The following CNGA3 variants were observed in gnomAD, a reference collection of about 807,000 sequenced individuals.
CNGA3 encodes the protein cyclic nucleotide-gated channel alpha-3.
A neutral mutation model predicts 46.6 loss-of-function variants in CNGA3; 42 were observed. The observed-to-expected ratio is 0.90, with a 90% CI of 0.70 to 1.17. The LOEUF (loss-of-function observed/expected upper bound fraction) is 1.17, where lower values mean the gene tolerates loss of function less well. Among genes scored for constraint, CNGA3 ranks in the 50% most tolerant of loss-of-function variants. The pLI is 0.00. For synonymous variants in CNGA3, 394 were observed against 369.4 expected (o/e 1.07, Z -0.76); for missense variants, 893 against 890.7 (o/e 1.00, Z -0.03).
At chr2:98,383,688 A>G (rs1349356480) in intron 5 of CNGA3, among the ~76,000 whole-genome samples, 1 of 152,214 alleles carries the variant, frequency 6.6e-6, no homozygotes, top group Non-Finnish European at 1.5e-5. Context: ...TCTCATCCAT[A>G]AAGCAAAGGA....
chr2:98,362,398 A>C (rs62156302), intron 1 of CNGA3, among the ~76,000 whole-genome samples: 29,075 of 150,782 alleles, frequency 0.19, 3,182 homozygotes, highest in Non-Finnish European at 0.26. Context: ...CCAGGCTGGT[A>C]TCGAACTCCT....
chr2:98,383,324 T>G, intron 4 of CNGA3, 64 bp from the exon 5 acceptor site: 2 of 1,495,598 alleles, frequency 1.3e-6, no homozygotes, highest in Non-Finnish European at 1.9e-6. Context: ...AATCCCCTGG[T>G]GAAATGGCCC....
chr2:98,353,127 C>T (rs1299724420), intron 1 of CNGA3, among the ~76,000 whole-genome samples: 14 of 152,028 alleles, frequency 9.2e-5, no homozygotes, highest in Non-Finnish European at 2.1e-4. Flanking sequence ...TGGGGTTTTT[C>T]CATTTGTCAC....
chr2:98,386,430 A>G (rs1401746771), intron 5 of CNGA3, among the ~76,000 whole-genome samples: 2 of 152,112 alleles, frequency 1.3e-5, no homozygotes, highest in Admixed American at 6.5e-5. Flanking sequence ...GTCTCACGAG[A>G]TCTGATGGTT....
At position 98,398,227 on chromosome 2, in the gene CNGA3, AGGCAAAGCTTTT is replaced by A. The variant is rs958109617; in HGVS notation, c.*976_*987del. On this transcript the variant is annotated 3_prime_UTR_variant, in exon 8 of 8. Coordinates refer to ENST00000272602, the MANE Select transcript of CNGA3 (RefSeq NM_001298.3). ...CAAGATCCCTTGGAATTGCATCCCAAGGCAAAGCTTTTGGCTCACCGAAAGCTCACAGATTGC... is the reference window on the plus strand; with the variant it reads ...CAAGATCCCTTGGAATTGCATCCCAAGGCTCACCGAAAGCTCACAGATTGC... 1.3e-5 allele frequency: 2 copies of A among 152,228 alleles called. No individual in the cohort carries two copies. The highest frequency in any genetic ancestry group is 4.8e-5 in the African/African-American group (2 of 41,468). 9.4% of individuals were successfully genotyped at this position (152,228 alleles called of 1,614,324 possible).
chr2:98,361,952 C>A (rs566757382), intron 1 of CNGA3, among the ~76,000 whole-genome samples: 1 of 152,100 alleles, frequency 6.6e-6, no homozygotes, highest in Non-Finnish European at 1.5e-5. Context: ...CGTGATCCAC[C>A]TGCCTCGGCC....
At chr2:98,370,415 T>G (rs1005715698) in intron 2 of CNGA3, among the ~76,000 whole-genome samples, 1 of 152,206 alleles carries the variant, frequency 6.6e-6, no homozygotes, top group Non-Finnish European at 1.5e-5. Context: ...TCATCAAAAA[T>G]GTGTTGGACT....
In CNGA3 at chr2:98,397,070, G is replaced by A. The variant is rs759375641; in HGVS notation, c.1900G>A (p.Gly634Arg). The A allele has an allele frequency of 6.2e-7, 1 of 1,613,968 alleles. No individual in the cohort carries two copies. Among genetic ancestry groups the A allele is most frequent in the Non-Finnish European group, 8.5e-7 (1 of 1,180,018 alleles). ...CCTTGAGGAGAAAGTGGAGCAGCTG[G>A]GGTCCTCCCTGGACACCCTGCAGAC... ...KDLEEKVEQL[G>R]SSLDTLQTRF... Residue 634 changes from glycine to arginine, a missense_variant, in exon 8 of 8, where the codon GGG becomes AGG. This residue lies in a region of CNGA3 where 548 missense variants were observed against 570.8 expected (regional missense o/e 0.96). Coordinates refer to ENST00000272602, the MANE Select transcript of CNGA3 (RefSeq NM_001298.3).
chr2:98,363,850 T>C (rs1416404216), intron 1 of CNGA3, among the ~76,000 whole-genome samples: 1 of 152,214 alleles, frequency 6.6e-6, no homozygotes, highest in Admixed American at 6.5e-5. Context: ...ATATCCTTGT[T>C]AATTTTCTGT....
chr2:98,396,848 T>C lies in CNGA3; in HGVS notation c.1678T>C (p.Ser560Pro), dbSNP rs1396258737. 1 of 1,614,020 alleles carries C rather than the reference T, an allele frequency of 6.2e-7. No individual in the cohort carries two copies. Among genetic ancestry groups the C allele is most frequent in the Non-Finnish European group, 8.5e-7 (1 of 1,179,984 alleles). The change falls in exon 8 of 8, where the codon TCG becomes CCG. Residue 560 changes from serine to proline, a missense_variant. Physicochemically the swap from Ser to Pro is moderately conservative, Grantham distance 74 (BLOSUM62 -1). This residue lies in a region of CNGA3 where 548 missense variants were observed against 570.8 expected (regional missense o/e 0.96). Transcript: ENST00000272602. The stretch of plus-strand genomic sequence containing the variant: ...CATTCTGAACATCAAGGGGAGCAAG[T>C]CGGGGAACCGCAGGACGGCCAACAT... ...ISILNIKGSK[S>P]GNRRTANIRS...
chr2:98,375,389 CA>C (rs375003472), intron 2 of CNGA3, among the ~76,000 whole-genome samples: 9 of 152,348 alleles, frequency 5.9e-5, no homozygotes, highest in African/African-American at 2.2e-4. Flanking sequence ...CAGGCTGTGA[CA>C]GGGCCCCCGC....
At chr2:98,352,916 A>T (rs1393740906) in intron 1 of CNGA3, among the ~76,000 whole-genome samples, 2 of 152,186 alleles carry the variant, frequency 1.3e-5, no homozygotes, top group Admixed American at 1.3e-4. Flanking sequence ...TTGACCCTTG[A>T]GCAATGCAGG....
Position 98,396,760 on chromosome 2 carries a change from G to A in CNGA3, c.1590G>A (p.Val530=), listed in dbSNP as rs1170867132. 1.2e-6 allele frequency: 2 copies of A among 1,614,204 alleles called. No individual in the cohort carries two copies. The highest frequency in any genetic ancestry group is 1.7e-6 in the Non-Finnish European group (2 of 1,180,040). ...TCAACGAGGGCAAGCTGGCCGTGGTGGCTGATGATGGGGTCACCCAGTTCG... is the reference window on the plus strand; with the variant it reads ...TCAACGAGGGCAAGCTGGCCGTGGTAGCTGATGATGGGGTCACCCAGTTCG... The part of the protein sequence containing the change: ...YIINEGKLAV[V]ADDGVTQFVV... Residue 530 remains valine, a synonymous_variant, in exon 8 of 8, where the codon GTG becomes GTA. Transcript: ENST00000272602.
rs115649721 is a variant in CNGA3, at chr2:98,371,675, C to T, written c.101+1599C>T. Among the ~76,000 whole-genome samples, 941 of 152,330 alleles carry T rather than the reference C, an allele frequency of 6.2e-3. 8 individuals carry two copies. The highest frequency in any genetic ancestry group is 0.021 in the African/African-American group (874 of 41,576). On this transcript the variant is annotated intron_variant, in intron 2 of 7. Transcript: ENST00000272602. ...CTCCTAACTAGCCCTTTGTCAATGC[C>T]TGCGTCGCACCACTGGAGACTTAGT...
chr2:98,373,022 C>T (rs1692322085), intron 2 of CNGA3, among the ~76,000 whole-genome samples: 1 of 152,156 alleles, frequency 6.6e-6, no homozygotes, highest in African/African-American at 2.4e-5. Context: ...AAGAGCTATG[C>T]TTTATCTTAC....
intron 2 of CNGA3, among the ~76,000 whole-genome samples, chr2:98,374,739 T>C (rs2104189017): frequency 6.6e-6 from 1 of 152,226 alleles, no homozygotes; most frequent in African/African-American, 2.4e-5. Flanking sequence ...GCATTTAATA[T>C]GGGTAAAGCT....
chr2:98,358,633 T>C (rs1466436310), intron 1 of CNGA3, among the ~76,000 whole-genome samples: 1 of 152,156 alleles, frequency 6.6e-6, no homozygotes, highest in Non-Finnish European at 1.5e-5. Flanking sequence ...ACTTTAGAGG[T>C]AAAAATACCA....
rs1692960030 is a variant in CNGA3, at chr2:98,397,966, C to T, written c.*711C>T. On this transcript the variant is annotated 3_prime_UTR_variant, in exon 8 of 8. Transcript: ENST00000272602. ...TCTCAGTTAGGAGAAGAGACATCCCCTCCTTCTCACTTGCCAAAGAGATTC... is the reference window on the plus strand; with the variant it reads ...TCTCAGTTAGGAGAAGAGACATCCCTTCCTTCTCACTTGCCAAAGAGATTC... 1 of 153,222 alleles carries T rather than the reference C, an allele frequency of 6.5e-6. No homozygotes were observed. 9.5% of individuals were successfully genotyped at this position (153,222 alleles called of 1,614,324 possible). A position where few individuals can be genotyped will look rare whatever the true frequency, so the allele number is the denominator to read the frequency against.
At position 98,375,967 on chromosome 2, in the gene CNGA3, A is replaced by C. The variant is rs183949887; in HGVS notation, c.102-1720A>C. Among the ~76,000 whole-genome samples, 22 of 152,340 alleles carry C rather than the reference A, an allele frequency of 1.4e-4. No homozygotes were observed. In the East Asian group the frequency reaches 4.2e-3, roughly 29 times the overall value. On this transcript the variant is annotated intron_variant, in intron 2 of 7. Coordinates refer to ENST00000272602, the MANE Select transcript of CNGA3 (RefSeq NM_001298.3). The stretch of plus-strand genomic sequence containing the variant: ...GATAAAATGTATGTGGCTGGCATAC[A>C]GAAAAGAGCCACTGAATGGCATGTG...
Sources: gnomAD v4.1 joint callset for allele counts (sites outside exome capture counted in the v4.1 genomes callset) on GRCh38, gnomAD v4.1.1 for gene constraint, gnomAD v4.1.1 regional missense constraint, MANE v1.5 for transcripts, NCBI Gene and HGNC (gene_info 2026-07-23, HGNC 2026-07-21) for gene names.